PEX3: variants seen among roughly 807,000 people sequenced by gnomAD.
The protein encoded by PEX3 is peroxisomal biogenesis factor 3.
In PEX3, 30 loss-of-function variants were observed where a neutral mutation model predicts 55.8. The ratio of observed to expected loss-of-function variants is 0.54; its 90% CI spans 0.40 to 0.73. The LOEUF (loss-of-function observed/expected upper bound fraction) is 0.73, where lower values mean the gene tolerates loss of function less well. PEX3 is among the 30% of genes least tolerant of loss of function. PEX3 has a pLI of 0.00. For missense variants in PEX3, 351 were observed against 432.8 expected, an observed-to-expected ratio of 0.81 and a Z score of 1.68; for synonymous variants, 135 against 148.4, an observed-to-expected ratio of 0.91 and a Z score of 0.66.
At chr6:143,468,079 TA>T (rs779364383) in intron 3 of PEX3, 42 bp from the exon 4 acceptor site, 1 of 1,024,754 alleles carries the variant, frequency 9.8e-7, no homozygotes, top group South Asian at 1.4e-5. Context: ...TCTATTAGAT[TA>T]TCTAGATTAT....
chr6:143,450,859 G>GTA lies in PEX3; in HGVS notation c.-183_-182dup. The GTA allele has an allele frequency of 3.9e-6, 3 of 765,266 alleles. No individual in the cohort carries two copies. The highest frequency in any genetic ancestry group is 4.6e-6 in the Non-Finnish European group (2 of 437,618). The allele number at this position is 765,266 out of a possible 1,614,324, so 47.4% of individuals were successfully genotyped here. On this transcript the variant is annotated 5_prime_UTR_variant, in exon 1 of 12. Transcript: ENST00000367591. ...CGGCAGAAAGCGTAGCTGCTTTGCT[G>GTA]TAGTCCACGCCCCCTTGCCGCTCCG...
chr6:143,470,631 A>G (rs1780060115), intron 4 of PEX3, among the ~76,000 whole-genome samples: 1 of 152,186 alleles, frequency 6.6e-6, no homozygotes, highest in South Asian at 2.1e-4. Flanking sequence ...CTTACTTGAA[A>G]ATAGCTCCAT....
At chr6:143,460,762 G>A (rs1171022955) in intron 2 of PEX3, among the ~76,000 whole-genome samples, 7 of 151,824 alleles carry the variant, frequency 4.6e-5, no homozygotes, top group Non-Finnish European at 1.0e-4. Flanking sequence ...TACTTGGGAG[G>A]CTGAGGCAGG....
rs767724534 is a variant in PEX3 at position 143,489,097 on chromosome 6, G to C, written c.1039-46G>C. The stretch of plus-strand genomic sequence containing the variant: ...TGATTGCAGAAATTAATTCAAATTA[G>C]CTATATGTTTTGCAAACTATAATGT... On this transcript the variant is annotated intron_variant, in intron 11 of 11. Transcript: ENST00000367591. This position sits in a 1 kb window ranked among gnomAD's most constrained non-coding sequence, Gnocchi z 5.5. 2.5e-6 allele frequency: 3 copies of C among 1,213,284 alleles called. No homozygotes were observed. Among genetic ancestry groups the C allele is most frequent in the Admixed American group, 1.7e-5 (1 of 59,314 alleles). 75.2% of individuals were successfully genotyped at this position (1,213,284 alleles called of 1,614,324 possible).
chr6:143,481,223 T>G (rs534458343), intron 10 of PEX3, among the ~76,000 whole-genome samples: 1 of 150,252 alleles, frequency 6.7e-6, no homozygotes, highest in Admixed American at 6.6e-5. Context: ...TACATATGCA[T>G]GTAATATAAT....
Position 143,459,206 on chromosome 6 carries a change from C to A in PEX3, c.195C>A (p.Cys65Ter). The A allele has an allele frequency of 6.2e-7, 1 of 1,612,204 alleles. No homozygotes were observed. Among genetic ancestry groups the A allele is most frequent in the Non-Finnish European group, 8.5e-7 (1 of 1,178,606 alleles). ...ATTTTGAAAGTAACCAGAGGACTTG[C>A]AATATGACAGGTAAGACAGAGAAAT... ...QYHFESNQRT[C>*]NMTVLSMLPT... is the part of the protein sequence containing the mutation. The change falls in exon 2 of 12, where the codon TGC becomes TGA. Residue 65 changes from cysteine to a stop codon, truncating the protein, a stop_gained. Coordinates refer to ENST00000367591, the MANE Select transcript of PEX3 (RefSeq NM_003630.3). LOFTEE classifies it high-confidence loss of function. This position sits in a 1 kb window ranked among gnomAD's most constrained non-coding sequence, Gnocchi z 4.2.
At chr6:143,467,118 G>T (rs1462859647) in intron 3 of PEX3, among the ~76,000 whole-genome samples, 1 of 151,904 alleles carries the variant, frequency 6.6e-6, no homozygotes, top group Non-Finnish European at 1.5e-5. Context: ...CACACACAAA[G>T]AATTGGAAAA....
At position 143,451,126 on chromosome 6, in the gene PEX3, A is replaced by G; in HGVS notation, c.73+11A>G. On this transcript the variant is annotated intron_variant, in intron 1 of 11. Transcript: ENST00000367591. This position sits in a 1 kb window ranked among gnomAD's most constrained non-coding sequence, Gnocchi z 4.1. ...GCACGGTCCTTGGAGGTGGGTGACA[A>G]CGTGCTTGAAAGGGGGCATTGGGAG... 16 of 1,598,086 alleles carry G rather than the reference A, an allele frequency of 1.0e-5. No individual in the cohort carries two copies. The highest frequency in any genetic ancestry group is 1.4e-5 in the Non-Finnish European group (16 of 1,165,368).
rs909377897 is a variant in PEX3, at chr6:143,451,722, C to G, written c.73+607C>G. Reference sequence around the variant, plus strand: ...AAATGCTTGAGGGATGTTGTGCAATCTTCCTCAGGATCTTCAAGGTTGGGA... The same window carrying G: ...AAATGCTTGAGGGATGTTGTGCAATGTTCCTCAGGATCTTCAAGGTTGGGA... On this transcript the variant is annotated intron_variant, in intron 1 of 11. Transcript: ENST00000367591. This position sits in a 1 kb window ranked among gnomAD's most constrained non-coding sequence, Gnocchi z 4.1. Among the ~76,000 whole-genome samples, 21 of 152,216 alleles carry G rather than the reference C, an allele frequency of 1.4e-4. No homozygotes were observed. The highest frequency in any genetic ancestry group is 4.6e-4 in the African/African-American group (19 of 41,460).
Position 143,483,630 on chromosome 6 carries a change from G to A in PEX3, c.942-1522G>A, listed in dbSNP as rs541877775. ...CATCTGAGAACACTGGAAGGCTGCTGGAGAGTTTTGAGCAGGAGAGTGATG... is the reference window on the plus strand; with the variant it reads ...CATCTGAGAACACTGGAAGGCTGCTAGAGAGTTTTGAGCAGGAGAGTGATG... On this transcript the variant is annotated intron_variant, in intron 10 of 11. Transcript: ENST00000367591. This position sits in a 1 kb window ranked among gnomAD's most constrained non-coding sequence, Gnocchi z 4.3. Among the ~76,000 whole-genome samples, 1 of 152,256 alleles carries A rather than the reference G, an allele frequency of 6.6e-6. No homozygotes were observed. Among genetic ancestry groups the A allele is most frequent in the Admixed American group, 6.6e-5 (1 of 15,262 alleles).
chr6:143,456,544 A>G (rs949670490), intron 1 of PEX3, among the ~76,000 whole-genome samples: 8 of 152,330 alleles, frequency 5.3e-5, no homozygotes, highest in African/African-American at 1.9e-4. Flanking sequence ...TAAGATCAGG[A>G]TTGGTTCCTT....
rs1053633881 is a variant in PEX3, at chr6:143,483,111, G to A, written c.942-2041G>A. On this transcript the variant is annotated intron_variant, in intron 10 of 11. Transcript: ENST00000367591. This position sits in a 1 kb window ranked among gnomAD's most constrained non-coding sequence, Gnocchi z 4.3. ...TCAGTTAAGGAAGCAAACACCTAAG[G>A]AAAGAAAAATTTTCTTTCTTAGAAA... Among the ~76,000 whole-genome samples, 2 of 151,898 alleles carry A rather than the reference G, an allele frequency of 1.3e-5. No individual in the cohort carries two copies. Among genetic ancestry groups the A allele is most frequent in the African/African-American group, 4.8e-5 (2 of 41,352 alleles).
rs1444648352 is a variant in PEX3 at position 143,459,731 on chromosome 6, G to A, written c.205+515G>A. 6.6e-6 allele frequency among the ~76,000 whole-genome samples: 1 copy of A among 152,160 alleles called. No individual in the cohort carries two copies. The highest frequency in any genetic ancestry group is 1.9e-4 in the East Asian group (1 of 5,194). On this transcript the variant is annotated intron_variant, in intron 2 of 11. Transcript: ENST00000367591. The surrounding 1 kb of genome is among the most constrained non-coding windows in gnomAD (Gnocchi z 4.2). ...CAGGACACAGCAAAAAGGCCATGTA[G>A]CTAGAGCAGAATGAACAATGGCAGT...
rs1407628823 is a variant in PEX3, at chr6:143,488,871, C to T, written c.1039-272C>T. 6.6e-6 allele frequency among the ~76,000 whole-genome samples: 1 copy of T among 152,126 alleles called. No individual in the cohort carries two copies. Among genetic ancestry groups the T allele is most frequent in the Non-Finnish European group, 1.5e-5 (1 of 67,976 alleles). ...CAACAGATACCTATCTAGCACTTGACATACACCAAAATTCATTTGAAGACT... is the reference window on the plus strand; with the variant it reads ...CAACAGATACCTATCTAGCACTTGATATACACCAAAATTCATTTGAAGACT... On this transcript the variant is annotated intron_variant, in intron 11 of 11. Coordinates refer to ENST00000367591, the MANE Select transcript of PEX3 (RefSeq NM_003630.3). This position sits in a 1 kb window ranked among gnomAD's most constrained non-coding sequence, Gnocchi z 4.9.
chr6:143,474,947 T>G, intron 9 of PEX3, 91 bp downstream of exon 9: 1 of 671,370 alleles, frequency 1.5e-6, no homozygotes, highest in South Asian at 1.8e-5. Context: ...ACATGGTCGG[T>G]ATAATATTAT....
In PEX3 at chr6:143,486,566, A is replaced by G. The variant is rs1165856311; in HGVS notation, c.1038+1318A>G. Among the ~76,000 whole-genome samples, 1 of 152,160 alleles carries G rather than the reference A, an allele frequency of 6.6e-6. No homozygotes were observed. Among genetic ancestry groups the G allele is most frequent in the Admixed American group, 6.6e-5 (1 of 15,264 alleles). On this transcript the variant is annotated intron_variant, in intron 11 of 11. Coordinates refer to ENST00000367591, the MANE Select transcript of PEX3 (RefSeq NM_003630.3). The surrounding 1 kb of genome is among the most constrained non-coding windows in gnomAD (Gnocchi z 5.0). ...AATGTATATACTAGACCATTGATTG[A>G]CAAGGCTATTACAATTATAGTTTAA... is the stretch of plus-strand genomic sequence containing the variant.
chr6:143,461,345 A>T (rs1486621558), intron 2 of PEX3, among the ~76,000 whole-genome samples: 4 of 152,172 alleles, frequency 2.6e-5, no homozygotes, highest in African/African-American at 9.7e-5. Flanking sequence ...CCAGCAAAAG[A>T]TAGGGGTCAC....
Position 143,483,255 on chromosome 6 carries a change from T to C in PEX3, c.942-1897T>C, listed in dbSNP as rs979423940. Among the ~76,000 whole-genome samples the C allele has an allele frequency of 5.3e-5, 8 of 152,194 alleles. No individual in the cohort carries two copies. The highest frequency in any genetic ancestry group is 1.2e-4 in the Non-Finnish European group (8 of 68,032). On this transcript the variant is annotated intron_variant, in intron 10 of 11. Transcript: ENST00000367591. This position sits in a 1 kb window ranked among gnomAD's most constrained non-coding sequence, Gnocchi z 4.3. ...GCACTGTATTAGGTTTCTGTTCCCA[T>C]AGATCTTACAATCTAATTGGGGAAA...
rs1003293657 is a variant in PEX3 at position 143,473,868 on chromosome 6, TA to T, written c.748-908del. 1.5e-4 allele frequency among the ~76,000 whole-genome samples: 22 copies of T among 142,114 alleles called. No individual in the cohort carries two copies. The South Asian group carries it at 1.8e-3, about 12-fold the overall frequency. The allele number at this position is 142,114 out of a possible 152,430, so 93.2% of individuals were successfully genotyped here. On this transcript the variant is annotated intron_variant, in intron 8 of 11. Coordinates refer to ENST00000367591, the MANE Select transcript of PEX3 (RefSeq NM_003630.3). ...GACTGGGCAACACCAATCTGTCTCT[TA>T]AAAAAAAAATGCTTTGGGAGGCCAA... is the stretch of plus-strand genomic sequence containing the variant.
Sources: gnomAD v4.1 joint callset for allele counts (sites outside exome capture counted in the v4.1 genomes callset) on GRCh38, gnomAD v4.1.1 for gene constraint, Gnocchi (gnomAD v3.1) non-coding constraint, MANE v1.5 for transcripts, NCBI Gene and HGNC (gene_info 2026-07-23, HGNC 2026-07-21) for gene names.